The following ARHGAP23 variants were observed in gnomAD, a reference collection of about 807,000 sequenced individuals.
The protein encoded by ARHGAP23 is Rho GTPase activating protein 23.
A neutral mutation model predicts 136.3 loss-of-function variants in ARHGAP23; 34 were observed. The observed-to-expected ratio is 0.25, with a 90% CI of 0.19 to 0.33. ARHGAP23 has a LOEUF of 0.33. Among genes scored for constraint, ARHGAP23 ranks in the 10% least tolerant of loss-of-function variants. ARHGAP23 has a pLI of 1.00. For missense variants in ARHGAP23, 1,808 were observed against 2,139.0 expected (o/e 0.85, Z 3.05); for synonymous variants, 832 against 920.5 (o/e 0.90, Z 1.74).
intron 1 of ARHGAP23, among the ~76,000 whole-genome samples, chr17:38,434,330 G>A (rs946934913): frequency 1.4e-4 from 21 of 152,230 alleles, no homozygotes; most frequent in African/African-American, 5.1e-4. Flanking sequence ...GGGGGCGTCC[G>A]GGGGTCGGGG....
intron 1 of ARHGAP23, among the ~76,000 whole-genome samples, chr17:38,445,885 C>G (rs7503298): frequency 0.26 from 39,147 of 151,950 alleles, 5,418 homozygotes; most frequent in East Asian, 0.42. Flanking sequence ...TCTCCCACCT[C>G]AGCCTCCCAA....
At position 38,429,837 on chromosome 17, in the gene ARHGAP23, G is replaced by A. The variant is rs566755761; in HGVS notation, c.63+1289G>A. On this transcript the variant is annotated intron_variant, in intron 1 of 23. Coordinates refer to ENST00000622683, the MANE Select transcript of ARHGAP23 (RefSeq NM_001199417.2). Reference sequence around the variant, plus strand: ...TCCACCCCAACCCTGCGGCCTAGCTGGGGGTGAGTGGCTTTTGATCCCATG... The same window carrying A: ...TCCACCCCAACCCTGCGGCCTAGCTAGGGGTGAGTGGCTTTTGATCCCATG... Among the ~76,000 whole-genome samples the A allele has an allele frequency of 2.0e-5, 3 of 152,210 alleles. No homozygotes were observed. In the South Asian group the frequency reaches 6.2e-4, roughly 32 times the overall value.
intron 20 of ARHGAP23, among the ~76,000 whole-genome samples, chr17:38,492,651 A>G (rs532090091): frequency 6.6e-6 from 1 of 152,218 alleles, no homozygotes; most frequent in African/African-American, 2.4e-5. Flanking sequence ...GGTGGTGAGC[A>G]GCTGAGCCAT....
chr17:38,431,405 C>T (rs2038682992), intron 1 of ARHGAP23, among the ~76,000 whole-genome samples: 1 of 152,120 alleles, frequency 6.6e-6, no homozygotes, highest in African/African-American at 2.4e-5. Flanking sequence ...GGGATTTGGA[C>T]AAAGCCTGGT....
Position 38,477,544 on chromosome 17 carries a change from A to T in ARHGAP23, c.2119-35A>T. The stretch of plus-strand genomic sequence containing the variant: ...CAGTGGGCAAAACTGGCCTCTCACC[A>T]TTCCTGTCTCCCCCAACCCCGTGTC... On this transcript the variant is annotated intron_variant, in intron 11 of 23. Coordinates refer to ENST00000622683, the MANE Select transcript of ARHGAP23 (RefSeq NM_001199417.2). This position sits in a 1 kb window ranked among gnomAD's most constrained non-coding sequence, Gnocchi z 6.6. 8.0e-7 allele frequency: 1 copy of T among 1,248,544 alleles called. No homozygotes were observed. The highest frequency in any genetic ancestry group is 1.0e-6 in the Non-Finnish European group (1 of 993,612). The allele number at this position is 1,248,544 out of a possible 1,614,324, so 77.3% of individuals were successfully genotyped here.
chr17:38,462,722 C>A, intron 3 of ARHGAP23, 124 bp from the exon 4 acceptor site: 1 of 693,256 alleles, frequency 1.4e-6, no homozygotes, highest in Non-Finnish European at 2.3e-6. Flanking sequence ...GATGTTTGAG[C>A]CTGTGCATGT....
chr17:38,510,696 G>C lies in ARHGAP23; in HGVS notation c.4200G>C (p.Arg1400=). The change falls in exon 24 of 24, where the codon CGG becomes CGC. Residue 1400 remains arginine, a synonymous_variant. Coordinates refer to ENST00000622683, the MANE Select transcript of ARHGAP23 (RefSeq NM_001199417.2). The surrounding 1 kb of genome is among the most constrained non-coding windows in gnomAD (Gnocchi z 4.6). ...RPLSPETRRR[R]SSWRRHTVVV... is the part of the protein sequence containing the mutation. ...TGTCGCCCGAGACCCGGCGGCGCCG[G>C]AGCAGCTGGCGCCGCCACACCGTGG... 3.5e-6 allele frequency: 5 copies of C among 1,428,114 alleles called. No individual in the cohort carries two copies. Among genetic ancestry groups the C allele is most frequent in the Non-Finnish European group, 4.6e-6 (5 of 1,098,838 alleles). 88.5% of individuals were successfully genotyped at this position (1,428,114 alleles called of 1,614,324 possible).
At chr17:38,467,770 C>T (rs1248432299) in intron 7 of ARHGAP23, among the ~76,000 whole-genome samples, 1 of 152,054 alleles carries the variant, frequency 6.6e-6, no homozygotes, top group Non-Finnish European at 1.5e-5. Flanking sequence ...TTGTTCCATC[C>T]TTTCTTCCAC....
intron 9 of ARHGAP23, 45 bp downstream of exon 9, chr17:38,469,680 T>A: frequency 6.5e-7 from 1 of 1,535,952 alleles, no homozygotes; most frequent in Non-Finnish European, 8.8e-7. Context: ...ACAGCCACCG[T>A]GGCCAGCTGC....
intron 20 of ARHGAP23, among the ~76,000 whole-genome samples, chr17:38,497,391 A>G (rs2040415870): frequency 6.6e-6 from 1 of 152,220 alleles, no homozygotes; most frequent in Non-Finnish European, 1.5e-5. Context: ...GACCTGGCCA[A>G]CACTAACGGC....
rs2040735119 is a variant in ARHGAP23 at position 38,510,494 on chromosome 17, C to A, written c.3998C>A (p.Ala1333Glu). 1 of 1,155,178 alleles carries A rather than the reference C, an allele frequency of 8.7e-7. No individual in the cohort carries two copies. The highest frequency in any genetic ancestry group is 1.6e-5 in the African/African-American group (1 of 61,036). The allele number at this position is 1,155,178 out of a possible 1,614,324, so 71.6% of individuals were successfully genotyped here. A position where few individuals can be genotyped will look rare whatever the true frequency, so the allele number is the denominator to read the frequency against. ...LARGRPDGEG[A>E]GRGGPRAPEP... is the part of the protein sequence containing the mutation. Reference sequence around the variant, plus strand: ...CGGGGCCGCCCAGACGGCGAGGGCGCGGGCCGGGGCGGTCCCCGCGCCCCG... The same window carrying A: ...CGGGGCCGCCCAGACGGCGAGGGCGAGGGCCGGGGCGGTCCCCGCGCCCCG... Residue 1333 changes from alanine to glutamate, a missense_variant, in exon 24 of 24, where the codon GCG becomes GAG. Ala to Glu is a moderately radical substitution (Grantham distance 107). Transcript: ENST00000622683. This position sits in a 1 kb window ranked among gnomAD's most constrained non-coding sequence, Gnocchi z 4.6.
chr17:38,463,813 A>G (rs539583590), intron 6 of ARHGAP23, among the ~76,000 whole-genome samples: 1 of 152,230 alleles, frequency 6.6e-6, no homozygotes, highest in South Asian at 2.1e-4. Flanking sequence ...ACCACACAGT[A>G]CCCGAGCAGT....
At chr17:38,429,392 C>G (rs2038638766) in intron 1 of ARHGAP23, among the ~76,000 whole-genome samples, 1 of 152,254 alleles carries the variant, frequency 6.6e-6, no homozygotes, top group Non-Finnish European at 1.5e-5. Flanking sequence ...CTCCCTGCTC[C>G]TAAGTTGAAG....
chr17:38,460,316 G>A (rs570994548), intron 2 of ARHGAP23, among the ~76,000 whole-genome samples: 8 of 152,314 alleles, frequency 5.3e-5, no homozygotes, highest in African/African-American at 1.9e-4. Flanking sequence ...CTGTAAGCCT[G>A]AGTGCTTTAG....
At chr17:38,450,745 A>C (rs1252075920) in intron 1 of ARHGAP23, 2 of 152,204 alleles carry the variant, frequency 1.3e-5, no homozygotes, top group African/African-American at 4.8e-5. Context: ...GTATCAAAAA[A>C]ATCTCTGGTT....
At chr17:38,498,060 C>T (rs1195679596) in intron 21 of ARHGAP23, among the ~76,000 whole-genome samples, 2 of 146,790 alleles carry the variant, frequency 1.4e-5, no homozygotes, top group Non-Finnish European at 1.5e-5. Flanking sequence ...ATAGGCCTTG[C>T]TCAGAGGGAA....
chr17:38,421,023 C>T (rs2038515387), intron 1 of ARHGAP23, among the ~76,000 whole-genome samples: 1 of 152,080 alleles, frequency 6.6e-6, no homozygotes, highest in Non-Finnish European at 1.5e-5. Context: ...CTGAGTTGTT[C>T]CTCCAAGTAG....
intron 20 of ARHGAP23, among the ~76,000 whole-genome samples, chr17:38,496,309 A>AT (rs57322408): frequency 5.2e-3 from 780 of 150,148 alleles, no homozygotes; most frequent in Middle Eastern, 0.024. Flanking sequence ...AAAATCTACA[A>AT]TTTTTTTTTT....
At chr17:38,506,476 T>C (rs2040636284) in intron 23 of ARHGAP23, among the ~76,000 whole-genome samples, 1 of 152,130 alleles carries the variant, frequency 6.6e-6, no homozygotes, top group Admixed American at 6.5e-5. Context: ...TAAAATGCCA[T>C]AGCTAGGTGC....
Sources: allele counts gnomAD v4.1 joint callset (sites outside exome capture counted in the v4.1 genomes callset), GRCh38; gene constraint gnomAD v4.1.1; non-coding constraint Gnocchi (gnomAD v3.1); transcripts MANE v1.5; gene names NCBI Gene and HGNC (gene_info 2026-07-23, HGNC 2026-07-21).